Variants in ANLN observed in about 807,000 individuals in gnomAD.
ANLN encodes anillin.
Under a neutral mutation model 135.1 loss-of-function variants are expected in ANLN, and 59 were observed. The observed-to-expected ratio is 0.44, with a 90% CI of 0.35 to 0.54. The LOEUF (loss-of-function observed/expected upper bound fraction) is 0.54. Among genes scored for constraint, ANLN ranks in the 20% least tolerant of loss-of-function variants. The pLI, the probability that ANLN is intolerant of heterozygous loss-of-function variation, is 0.00. For synonymous variants in ANLN, 406 were observed against 456.4 expected (o/e 0.89, Z 1.41); for missense variants, 1,182 against 1,340.0 (o/e 0.88, Z 1.84).
chr7:36,408,983 G>A (rs540205607), intron 5 of ANLN, among the ~76,000 whole-genome samples: 1 of 152,256 alleles, frequency 6.6e-6, no homozygotes, highest in East Asian at 1.9e-4. Context: ...TACAACCTCT[G>A]CAGAAACTAT....
chr7:36,409,653 T>TTTTTG (rs1200128182), intron 5 of ANLN, among the ~76,000 whole-genome samples: 9 of 152,096 alleles, frequency 5.9e-5, no homozygotes, highest in East Asian at 1.9e-4. Context: ...GCTGTGGGGT[T>TTTTTG]TTTTGTTTTG....
At chr7:36,422,428 G>A (rs932803206) in intron 13 of ANLN, among the ~76,000 whole-genome samples, 4 of 152,238 alleles carry the variant, frequency 2.6e-5, no homozygotes, top group South Asian at 2.1e-4. Context: ...AAAACTAGCC[G>A]AAAGTTGATG....
chr7:36,399,610 A>C (rs1374519409), intron 3 of ANLN, among the ~76,000 whole-genome samples: 3 of 152,248 alleles, frequency 2.0e-5, no homozygotes, highest in Non-Finnish European at 4.4e-5. Context: ...ACTAGTTCAT[A>C]GAAACCTGAT....
At chr7:36,439,089 G>GA (rs1453157809) in intron 20 of ANLN, 115 bp from the exon 21 acceptor site, 1 of 722,604 alleles carries the variant, frequency 1.4e-6, no homozygotes, top group African/African-American at 1.8e-5. Flanking sequence ...TCCAACTTTA[G>GA]AAAATGCTCT....
chr7:36,391,641 C>T (rs1786467912), intron 1 of ANLN, among the ~76,000 whole-genome samples: 1 of 152,150 alleles, frequency 6.6e-6, no homozygotes, highest in Non-Finnish European at 1.5e-5. Context: ...AAATGAGCTA[C>T]TGGTACAGTT....
chr7:36,399,022 G>A (rs540603950), intron 2 of ANLN, 57 bp from the exon 3 acceptor site: 1 of 1,455,044 alleles, frequency 6.9e-7, no homozygotes, highest in Non-Finnish European at 9.4e-7. Flanking sequence ...CTACCCTCAA[G>A]TTTTTCATGT....
chr7:36,418,887 G>T (rs1433299830), intron 9 of ANLN, among the ~76,000 whole-genome samples: 12 of 151,930 alleles, frequency 7.9e-5, no homozygotes, highest in African/African-American at 2.9e-4. Context: ...CTGAGTAGCT[G>T]GGATTACAGG....
Position 36,407,845 on chromosome 7 carries a change from G to T in ANLN, c.985G>T (p.Val329Leu). 3.7e-6 allele frequency: 6 copies of T among 1,613,826 alleles called. No homozygotes were observed. Among genetic ancestry groups the T allele is most frequent in the Non-Finnish European group, 5.1e-6 (6 of 1,179,820 alleles). The change falls in exon 5 of 24, where the codon GTA becomes TTA. Residue 329 changes from valine (V) to leucine (L), a missense_variant. Val to Leu is a conservative substitution (Grantham distance 32). This residue lies in a region of ANLN where 1,022 missense variants were observed against 1,134.0 expected (regional missense o/e 0.90). Transcript: ENST00000265748. Reference sequence around the variant, plus strand: ...TCCTATTAGTCCTCTGAAAACGGGGGTATCGAAACCAATTGTGAAGTCAAC... The same window carrying T: ...TCCTATTAGTCCTCTGAAAACGGGGTTATCGAAACCAATTGTGAAGTCAAC... ...KTPISPLKTG[V>L]SKPIVKSTLS...
At chr7:36,432,842 C>A (rs758886914) in intron 20 of ANLN, among the ~76,000 whole-genome samples, 2 of 152,136 alleles carry the variant, frequency 1.3e-5, no homozygotes, top group Non-Finnish European at 2.9e-5. Context: ...TTATTAAAGT[C>A]TATTTTGAAA....
chr7:36,417,911 G>C (rs958795149), intron 9 of ANLN, among the ~76,000 whole-genome samples: 4 of 151,908 alleles, frequency 2.6e-5, no homozygotes, highest in African/African-American at 9.7e-5. Flanking sequence ...TCCTGACCTC[G>C]TGATCTGCCT....
chr7:36,440,394 TC>T (rs951017170), intron 21 of ANLN, among the ~76,000 whole-genome samples: 1 of 152,164 alleles, frequency 6.6e-6, no homozygotes, highest in African/African-American at 2.4e-5. Flanking sequence ...TATTGGGTGA[TC>T]ATTCTGGCGC....
intron 2 of ANLN, among the ~76,000 whole-genome samples, chr7:36,397,738 C>T (rs1175514742): frequency 6.6e-6 from 1 of 152,068 alleles, no homozygotes; most frequent in Non-Finnish European, 1.5e-5. Flanking sequence ...CATAGCAAAA[C>T]CCTGTCTCTA....
chr7:36,432,954 A>G (rs748398274), intron 20 of ANLN, among the ~76,000 whole-genome samples: 2 of 152,084 alleles, frequency 1.3e-5, no homozygotes, highest in African/African-American at 2.4e-5. Flanking sequence ...AAACCACACA[A>G]TGCACTGTTG....
chr7:36,444,678 A>T (rs2116807503), intron 22 of ANLN, among the ~76,000 whole-genome samples: 1 of 152,246 alleles, frequency 6.6e-6, no homozygotes, highest in South Asian at 2.1e-4. Flanking sequence ...AGCAGAATTA[A>T]AAAGGAAAAT....
intron 9 of ANLN, among the ~76,000 whole-genome samples, chr7:36,418,468 C>A (rs1787738180): frequency 6.6e-6 from 1 of 152,192 alleles, no homozygotes; most frequent in Non-Finnish European, 1.5e-5. Context: ...GAGCTAGGAA[C>A]TGTGGACGAA....
At chr7:36,395,450 A>G (rs1321745799) in intron 1 of ANLN, among the ~76,000 whole-genome samples, 2 of 152,148 alleles carry the variant, frequency 1.3e-5, no homozygotes, top group African/African-American at 4.8e-5. Context: ...TTTCCATCAT[A>G]AGGACCTTTG....
chr7:36,406,631 T>G, intron 4 of ANLN, 65 bp downstream of exon 4: 1 of 1,379,860 alleles, frequency 7.2e-7, no homozygotes, highest in South Asian at 1.8e-5. Context: ...GTATAATACA[T>G]CTGTGTGTAT....
chr7:36,445,202 A>G (rs1371457681), intron 22 of ANLN, among the ~76,000 whole-genome samples: 1 of 42,426 alleles, frequency 2.4e-5, no homozygotes, highest in Admixed American at 3.1e-4. Context: ...ATTTTGGAAT[A>G]TTTGCATTAT....
chr7:36,389,997 C>T lies in ANLN; in HGVS notation c.-30C>T. The T allele has an allele frequency of 1.2e-6, 2 of 1,614,128 alleles. No individual in the cohort carries two copies. The highest frequency in any genetic ancestry group is 2.7e-5 in the African/African-American group (2 of 75,074). ...TCTTCCTGAATTTGAACCACCGTTT[C>T]CATCGTCTCGTAGTCCGACGCCTGG... On this transcript the variant is annotated 5_prime_UTR_variant, in exon 1 of 24. Transcript: ENST00000265748.
Sources: allele counts gnomAD v4.1 joint callset (sites outside exome capture counted in the v4.1 genomes callset), GRCh38; gene constraint gnomAD v4.1.1; regional missense constraint gnomAD v4.1.1; transcripts MANE v1.5; gene names NCBI Gene and HGNC (gene_info 2026-07-23, HGNC 2026-07-21).